The following DYNC1I1 variants were observed in gnomAD, a reference collection of about 807,000 sequenced individuals.
DYNC1I1 encodes the protein cytoplasmic dynein 1 intermediate chain 1.
Under a neutral mutation model 86.6 loss-of-function variants are expected in DYNC1I1, and 43 were observed. That is an observed-to-expected ratio of 0.50 (90% CI 0.39 to 0.64). The LOEUF (loss-of-function observed/expected upper bound fraction) is 0.64, where lower values mean the gene tolerates loss of function less well. DYNC1I1 is among the 30% of genes least tolerant of loss of function. The pLI is 0.00. For missense variants in DYNC1I1, 604 were observed against 788.8 expected, an observed-to-expected ratio of 0.77 and a Z score of 2.81; for synonymous variants, 262 against 283.7, an observed-to-expected ratio of 0.92 and a Z score of 0.77.
At chr7:96,045,563 G>A (rs187206581) in intron 14 of DYNC1I1, among the ~76,000 whole-genome samples, 11 of 152,318 alleles carry the variant, frequency 7.2e-5, no homozygotes, top group Non-Finnish European at 1.0e-4. Context: ...CTAAGAAGCG[G>A]TAAAATAGCC....
chr7:96,029,373 G>T (rs1368929010), intron 11 of DYNC1I1, among the ~76,000 whole-genome samples: 1 of 152,156 alleles, frequency 6.6e-6, no homozygotes, highest in Non-Finnish European at 1.5e-5. Context: ...CTTGATGCAG[G>T]TGTTTGGTGA....
chr7:95,818,009 C>T (rs1410575242), intron 4 of DYNC1I1, among the ~76,000 whole-genome samples: 1 of 152,144 alleles, frequency 6.6e-6, no homozygotes, highest in East Asian at 1.9e-4. Context: ...TACAACCTGT[C>T]CCAAATGGAA....
intron 1 of DYNC1I1, among the ~76,000 whole-genome samples, chr7:95,803,478 C>A (rs1794630637): frequency 6.6e-6 from 1 of 152,268 alleles, no homozygotes; most frequent in Admixed American, 6.5e-5. Flanking sequence ...TCTCCGCTGT[C>A]ACACTGTGAG....
downstream of DYNC1I1, among the ~76,000 whole-genome samples, chr7:96,100,237 C>G (rs963677502): frequency 1.6e-4 from 25 of 152,122 alleles, no homozygotes; most frequent in Non-Finnish European, 3.1e-4. Flanking sequence ...AACTTTGGCT[C>G]CAGGACTTTA....
chr7:95,924,099 C>T (rs1441156220), intron 6 of DYNC1I1, among the ~76,000 whole-genome samples: 1 of 152,120 alleles, frequency 6.6e-6, no homozygotes, highest in Non-Finnish European at 1.5e-5. Context: ...GGAAAGCATA[C>T]ATGGGCACTG....
intron 6 of DYNC1I1, among the ~76,000 whole-genome samples, chr7:95,889,416 A>G (rs1790679319): frequency 6.6e-6 from 1 of 152,120 alleles, no homozygotes; most frequent in Admixed American, 6.6e-5. Context: ...CTGAAAATGG[A>G]CTCCTATGTT....
chr7:95,818,675 A>T, intron 4 of DYNC1I1: 1 of 459,574 alleles, frequency 2.2e-6, no homozygotes, highest in East Asian at 3.1e-5. Flanking sequence ...TAGAAACAAC[A>T]CCTGTGTATT....
intron 6 of DYNC1I1, among the ~76,000 whole-genome samples, chr7:95,876,827 C>T (rs1003467082): frequency 3.9e-5 from 6 of 152,060 alleles, no homozygotes; most frequent in African/African-American, 1.4e-4. Context: ...GCACATGGGG[C>T]ATGTGAGATG....
At chr7:95,954,923 A>AC (rs909614409) in intron 6 of DYNC1I1, among the ~76,000 whole-genome samples, 2 of 138,786 alleles carry the variant, frequency 1.4e-5, no homozygotes, top group Non-Finnish European at 3.0e-5. Flanking sequence ...CTCAAAAAAA[A>AC]AAAAAAAAAA....
chr7:96,023,285 A>C (rs1156842896), intron 10 of DYNC1I1, among the ~76,000 whole-genome samples: 1 of 152,152 alleles, frequency 6.6e-6, no homozygotes, highest in Non-Finnish European at 1.5e-5. Context: ...TGGTACTTGA[A>C]ATAGGCGATG....
intron 5 of DYNC1I1, among the ~76,000 whole-genome samples, chr7:95,840,646 A>AG (rs1789255581): frequency 6.6e-6 from 1 of 152,112 alleles, no homozygotes; most frequent in South Asian, 2.1e-4. Flanking sequence ...TGCACATTTT[A>AG]TAGAACAACC....
chr7:95,807,783 A>T (rs1794736220), intron 2 of DYNC1I1, among the ~76,000 whole-genome samples: 1 of 152,118 alleles, frequency 6.6e-6, no homozygotes, highest in Admixed American at 6.6e-5. Flanking sequence ...TAACTAGGTT[A>T]GTTCTGCATC....
At chr7:95,903,779 T>G (rs1791101250) in intron 6 of DYNC1I1, among the ~76,000 whole-genome samples, 1 of 152,038 alleles carries the variant, frequency 6.6e-6, no homozygotes, top group Non-Finnish European at 1.5e-5. Flanking sequence ...CTTACAGAGG[T>G]TGTGGAGCTG....
intron 6 of DYNC1I1, among the ~76,000 whole-genome samples, chr7:95,947,038 C>A (rs922193145): frequency 6.6e-6 from 1 of 152,114 alleles, no homozygotes; most frequent in Non-Finnish European, 1.5e-5. Flanking sequence ...AGAAGTGATG[C>A]AAAAGCCCTG....
chr7:95,904,609 GTATACATATGTGTGTATGTATA>G (rs1192175578), intron 6 of DYNC1I1, among the ~76,000 whole-genome samples: 2 of 122,382 alleles, frequency 1.6e-5, no homozygotes, highest in Non-Finnish European at 3.3e-5. Context: ...ACATATGTAT[GTATACATATGTGTGTATGTATA>G]TATATATATA....
chr7:95,942,402 C>T (rs1178359420), intron 6 of DYNC1I1, among the ~76,000 whole-genome samples: 2 of 152,094 alleles, frequency 1.3e-5, no homozygotes, highest in South Asian at 2.1e-4. Context: ...CCAAAAAGAG[C>T]CCAGGACCAG....
At chr7:95,958,794 A>G (rs1792786453) in intron 6 of DYNC1I1, among the ~76,000 whole-genome samples, 2 of 152,212 alleles carry the variant, frequency 1.3e-5, no homozygotes, top group South Asian at 4.1e-4. Context: ...CTGTCCCAAA[A>G]TATGCCTTAA....
chr7:96,046,168 C>A (rs1789210932), intron 14 of DYNC1I1, among the ~76,000 whole-genome samples: 1 of 152,080 alleles, frequency 6.6e-6, no homozygotes. Flanking sequence ...GTCCAAGCAG[C>A]CATTTTCATC....
rs141518163 is a variant in DYNC1I1, at chr7:95,854,298, G to C, written c.375-15585G>C. On this transcript the variant is annotated intron_variant, in intron 5 of 16. Transcript: ENST00000447467. The stretch of plus-strand genomic sequence containing the variant: ...TTTTATTTCATGCTTTTTATTTTTT[G>C]TGTATCTACTATAGGTTTTTGCTTT... 2.7e-3 allele frequency among the ~76,000 whole-genome samples: 412 copies of C among 151,804 alleles called. 1 individual carries two copies. Among genetic ancestry groups the C allele is most frequent in the African/African-American group, 9.7e-3 (403 of 41,420 alleles).
Sources: allele counts gnomAD v4.1 joint callset (sites outside exome capture counted in the v4.1 genomes callset), GRCh38; gene constraint gnomAD v4.1.1; transcripts MANE v1.5; gene names NCBI Gene and HGNC (gene_info 2026-07-23, HGNC 2026-07-21).